The following FBXL17 variants were observed in gnomAD, a reference collection of about 807,000 sequenced individuals.
The protein encoded by FBXL17 is F-box/LRR-repeat protein 17.
A neutral mutation model predicts 66.2 loss-of-function variants in FBXL17; 22 were observed. That is an observed-to-expected ratio of 0.33 (90% CI 0.24 to 0.47). The LOEUF is 0.47. Ranked by LOEUF, FBXL17 falls within the 20% of genes least tolerant of loss-of-function variation. The pLI is 1.00. For synonymous variants in FBXL17, 474 were observed against 400.5 expected, an observed-to-expected ratio of 1.18 and a Z score of -2.19; for missense variants, 878 against 948.2, an observed-to-expected ratio of 0.93 and a Z score of 0.97.
At chr5:107,884,072 G>C (rs570197166) in intron 7 of FBXL17, among the ~76,000 whole-genome samples, 1 of 152,276 alleles carries the variant, frequency 6.6e-6, no homozygotes. Context: ...ATGGCACTGG[G>C]GTAGGTATAA....
At chr5:107,962,244 C>A (rs967479291) in intron 7 of FBXL17, among the ~76,000 whole-genome samples, 1 of 152,082 alleles carries the variant, frequency 6.6e-6, no homozygotes, top group African/African-American at 2.4e-5. Flanking sequence ...GTTACGTATA[C>A]CTCACCAGTT....
intron 4 of FBXL17, among the ~76,000 whole-genome samples, chr5:108,270,308 T>A (rs1757214111): frequency 6.6e-6 from 1 of 151,936 alleles, no homozygotes; most frequent in Non-Finnish European, 1.5e-5. Flanking sequence ...TCCATTCCAC[T>A]CATAGGTTGA....
intron 7 of FBXL17, among the ~76,000 whole-genome samples, chr5:107,968,322 TAA>T (rs1255655204): frequency 1.3e-5 from 2 of 152,098 alleles, no homozygotes; most frequent in East Asian, 1.9e-4. Context: ...GTGTGCAGAT[TAA>T]AGAGTTCCTG....
chr5:108,090,993 T>C (rs1749166986), intron 6 of FBXL17, among the ~76,000 whole-genome samples: 2 of 152,262 alleles, frequency 1.3e-5, no homozygotes, highest in Non-Finnish European at 2.9e-5. Context: ...GTTTTTGTTG[T>C]TGTTGTTTCC....
At chr5:108,379,077 A>G (rs1749651597) in intron 1 of FBXL17, among the ~76,000 whole-genome samples, 1 of 152,254 alleles carries the variant, frequency 6.6e-6, no homozygotes, top group African/African-American at 2.4e-5. Context: ...CTCAGGAAAA[A>G]ATATGAAAGA....
chr5:108,058,396 CTTTCCTTCTTTCTTTCTCTTTCTTT>C (rs1747792099), intron 6 of FBXL17, among the ~76,000 whole-genome samples: 1 of 151,384 alleles, frequency 6.6e-6, no homozygotes. Context: ...TGGATTCTTT[CTTTCCTTCTTTCTTTCTCTTTCTTT>C]CTTCTTTCTT....
intron 7 of FBXL17, among the ~76,000 whole-genome samples, chr5:107,968,796 C>G (rs1752250737): frequency 6.6e-6 from 1 of 152,098 alleles, no homozygotes; most frequent in Non-Finnish European, 1.5e-5. Context: ...AGTCTAGTGG[C>G]TCTTATTTTA....
Position 108,224,383 on chromosome 5 carries a change from C to T in FBXL17, c.1507-155G>A, listed in dbSNP as rs377726904. 5.1e-4 allele frequency among the ~76,000 whole-genome samples: 78 copies of T among 152,198 alleles called. 2 individuals carry two copies. The South Asian group carries it at 0.014, about 28-fold the overall frequency. ...AGCATACAAACATGCTATAATATTCCTGTATTTTTAAAAGTCATCTCTTGA... is the reference window on the plus strand; with the variant it reads ...AGCATACAAACATGCTATAATATTCTTGTATTTTTAAAAGTCATCTCTTGA... On this transcript the variant is annotated intron_variant, in intron 4 of 8. Transcript: ENST00000542267.
intron 5 of FBXL17, among the ~76,000 whole-genome samples, chr5:108,223,821 C>A (rs114488441): frequency 0.75 from 113,392 of 151,454 alleles, 42,798 homozygotes; most frequent in East Asian, 0.93. Context: ...AAAATTCAAC[C>A]AAATATCTTC....
chr5:108,157,062 C>G (rs1752022073), intron 6 of FBXL17, among the ~76,000 whole-genome samples: 1 of 150,456 alleles, frequency 6.6e-6, no homozygotes, highest in East Asian at 1.9e-4. Context: ...TACAATGAAA[C>G]AAAACACAAG....
rs116712589 is a variant in FBXL17, at chr5:107,879,584, T to C, written c.1965+1453A>G. 4.4e-4 allele frequency: 437 copies of C among 985,422 alleles called. 1 individual carries two copies. In the African/African-American group the frequency reaches 7.2e-3, roughly 16 times the overall value. The allele number at this position is 985,422 out of a possible 1,614,324, so 61.0% of individuals were successfully genotyped here. On this transcript the variant is annotated intron_variant, in intron 8 of 8. Coordinates refer to ENST00000542267, the MANE Select transcript of FBXL17 (RefSeq NM_001163315.3). ...GTATAAGTTGGGATTCTAAAGTGTT[T>C]GGAGAAAAGAATTAGCCAATTAACA...
chr5:107,959,461 T>C (rs76808219), intron 7 of FBXL17, among the ~76,000 whole-genome samples: 3,089 of 151,940 alleles, frequency 0.02, 50 homozygotes, highest in Non-Finnish European at 0.031. Flanking sequence ...TCTGTACATA[T>C]GTTGTGTTGT....
intron 6 of FBXL17, among the ~76,000 whole-genome samples, chr5:108,170,471 T>A (rs1027292937): frequency 4.6e-5 from 7 of 152,122 alleles, no homozygotes; most frequent in African/African-American, 1.7e-4. Context: ...ATATGTGGAG[T>A]TTTTGGTAGA....
intron 7 of FBXL17, among the ~76,000 whole-genome samples, chr5:107,975,266 G>T (rs183209385): frequency 6.6e-6 from 1 of 152,112 alleles, no homozygotes; most frequent in African/African-American, 2.4e-5. Flanking sequence ...GACAGGCTGG[G>T]TGACACAAAT....
At chr5:108,223,201 T>C (rs1353913005) in intron 5 of FBXL17, among the ~76,000 whole-genome samples, 2 of 152,166 alleles carry the variant, frequency 1.3e-5, no homozygotes, top group Non-Finnish European at 2.9e-5. Context: ...ACATTTGCTC[T>C]TCTCCTAGGG....
chr5:108,322,389 T>C (rs1381200366), intron 4 of FBXL17, among the ~76,000 whole-genome samples: 1 of 151,962 alleles, frequency 6.6e-6, no homozygotes, highest in Non-Finnish European at 1.5e-5. Flanking sequence ...GAACCAATTA[T>C]GAAAGACCTG....
chr5:108,087,546 CCTT>C (rs1254121416), intron 6 of FBXL17, among the ~76,000 whole-genome samples: 1 of 152,066 alleles, frequency 6.6e-6, no homozygotes, highest in African/African-American at 2.4e-5. Flanking sequence ...GTTCAATCCT[CCTT>C]CTTTCATACT....
At chr5:108,218,544 A>G (rs1754710548) in intron 5 of FBXL17, among the ~76,000 whole-genome samples, 1 of 152,196 alleles carries the variant, frequency 6.6e-6, no homozygotes, top group African/African-American at 2.4e-5. Flanking sequence ...CATTTCTACC[A>G]AGAATTTTCA....
chr5:108,073,674 G>C (rs1391879202), intron 6 of FBXL17, among the ~76,000 whole-genome samples: 1 of 151,992 alleles, frequency 6.6e-6, no homozygotes, highest in Non-Finnish European at 1.5e-5. Flanking sequence ...AATCCAACAT[G>C]TTAAGGTTAT....
Sources: allele counts gnomAD v4.1 joint callset (sites outside exome capture counted in the v4.1 genomes callset), GRCh38; gene constraint gnomAD v4.1.1; transcripts MANE v1.5; gene names NCBI Gene and HGNC (gene_info 2026-07-23, HGNC 2026-07-21).